MTA3: variants seen among roughly 807,000 people sequenced by gnomAD.
MTA3 encodes the protein metastasis associated 1 family member 3, also known as metastasis-associated protein MTA3.
MTA3 carries 34 observed loss-of-function variants against 83.5 expected under a neutral mutation model. The ratio of observed to expected loss-of-function variants is 0.41; its 90% confidence interval spans 0.31 to 0.54. The LOEUF is 0.54. MTA3 is among the 20% of genes least tolerant of loss of function. MTA3 has a pLI of 0.33. For missense variants in MTA3, 761 were observed against 726.4 expected (o/e 1.05, Z -0.55); for synonymous variants, 303 against 252.7 (o/e 1.20, Z -1.89).
At chr2:42,627,725 A>ATTTTTTTTTT (rs869227831) in intron 4 of MTA3, among the ~76,000 whole-genome samples, 236 of 103,370 alleles carry the variant, frequency 2.3e-3, no homozygotes, top group Non-Finnish European at 2.6e-3. Flanking sequence ...GCCTGGCTAA[A>ATTTTTTTTTT]TTTTTTTTTT....
intron 8 of MTA3, among the ~76,000 whole-genome samples, chr2:42,673,155 G>A (rs545391660): frequency 4.0e-4 from 60 of 149,982 alleles, no homozygotes; most frequent in African/African-American, 1.4e-3. Context: ...CACCAGACCA[G>A]CATATGAAAA....
chr2:42,561,702 G>A (rs1042073977), intron 2 of MTA3, among the ~76,000 whole-genome samples: 1 of 57,070 alleles, frequency 1.8e-5, no homozygotes. Flanking sequence ...TAAACATGTT[G>A]ACTGTTTCAA....
At chr2:42,615,072 A>G (rs1684695172) in intron 4 of MTA3, among the ~76,000 whole-genome samples, 1 of 151,530 alleles carries the variant, frequency 6.6e-6, no homozygotes, top group Non-Finnish European at 1.5e-5. Flanking sequence ...AGGTGGATCA[A>G]CTGAGGTCAG....
rs775428855 is a variant in MTA3, at chr2:42,579,108, C to G, written c.98C>G (p.Thr33Ser). The G allele has an allele frequency of 1.3e-6, 2 of 1,599,946 alleles. No homozygotes were observed. The highest frequency in any genetic ancestry group is 2.2e-5 in the East Asian group (1 of 44,598). ...ACTTTTATTTTTCTTATCTCTTAGA[C>G]TGCAAGTGGCAACGTGGAAGCAAAA... ...LIRRIEELNK[T>S]ASGNVEAKVV... The change falls in exon 3 of 17, where the codon ACT (threonine) becomes AGT (serine). Residue 33 changes from threonine (T) to serine (S), a missense_variant and splice_region_variant. Coordinates refer to ENST00000405094, the MANE Select transcript of MTA3 (RefSeq NM_001330442.2).
intron 8 of MTA3, among the ~76,000 whole-genome samples, chr2:42,673,434 G>C (rs1201754507): frequency 1.3e-5 from 2 of 152,058 alleles, no homozygotes; most frequent in African/African-American, 2.4e-5. Context: ...ATGCACTTTT[G>C]ACTTATGATA....
chr2:42,742,794 T>G (rs1669127506), intron 16 of MTA3, among the ~76,000 whole-genome samples: 1 of 152,234 alleles, frequency 6.6e-6, no homozygotes, highest in Non-Finnish European at 1.5e-5. Context: ...TCCTGAGAAC[T>G]GTACATAAAT....
chr2:42,563,106 C>T (rs1264549959), intron 2 of MTA3, among the ~76,000 whole-genome samples: 1 of 152,154 alleles, frequency 6.6e-6, no homozygotes, highest in Admixed American at 6.6e-5. Context: ...CCCCTTCTCA[C>T]CAACCTCCCA....
chr2:42,742,529 A>T (rs1299985306), intron 16 of MTA3, among the ~76,000 whole-genome samples: 2 of 152,190 alleles, frequency 1.3e-5, no homozygotes, highest in African/African-American at 4.8e-5. Flanking sequence ...TATAGGAACT[A>T]TATTTTTCTG....
At chr2:42,503,870 A>C in intron 2 of MTA3, among the ~76,000 whole-genome samples, 1 of 152,054 alleles carries the variant, frequency 6.6e-6, no homozygotes, top group East Asian at 1.9e-4. Flanking sequence ...AAAGGAAAAC[A>C]AATAAATAAA....
At chr2:42,702,699 T>C (rs2104490258) in intron 11 of MTA3, 1 of 152,330 alleles carries the variant, frequency 6.6e-6, no homozygotes, top group Non-Finnish European at 1.5e-5. Context: ...GTCAGAGACT[T>C]ATTTATTAGG....
intron 2 of MTA3, among the ~76,000 whole-genome samples, chr2:42,502,401 T>C (rs1217165435): frequency 2.0e-5 from 3 of 152,212 alleles, no homozygotes; most frequent in Non-Finnish European, 4.4e-5. Flanking sequence ...TACGGGTTTC[T>C]GAAAAACAAC....
chr2:42,562,301 C>A (rs1369695169), intron 2 of MTA3, among the ~76,000 whole-genome samples: 1 of 152,048 alleles, frequency 6.6e-6, no homozygotes, highest in Non-Finnish European at 1.5e-5. Context: ...TTTTGGGGGG[C>A]CACCATTCAA....
chr2:42,650,449 G>GT (rs930788559), intron 6 of MTA3, among the ~76,000 whole-genome samples: 32 of 151,244 alleles, frequency 2.1e-4, no homozygotes, highest in African/African-American at 5.6e-4. Flanking sequence ...TGTTTTTTTG[G>GT]TTTTTTTTGA....
At chr2:42,524,421 C>T (rs1675573693) in intron 2 of MTA3, among the ~76,000 whole-genome samples, 1 of 151,188 alleles carries the variant, frequency 6.6e-6, no homozygotes, top group Non-Finnish European at 1.5e-5. Flanking sequence ...CTGCCTCAGC[C>T]TCTCGAGTAG....
At chr2:42,561,639 C>G (rs1677680326) in intron 2 of MTA3, among the ~76,000 whole-genome samples, 1 of 151,964 alleles carries the variant, frequency 6.6e-6, no homozygotes, top group South Asian at 2.1e-4. Flanking sequence ...GTCCTTTTCT[C>G]TTAGCACTAA....
rs919837508 is a variant in MTA3, at chr2:42,755,103, G to T, written c.*1704G>T. On this transcript the variant is annotated 3_prime_UTR_variant, in exon 17 of 17. Coordinates refer to ENST00000405094, the MANE Select transcript of MTA3 (RefSeq NM_001330442.2). ...TTCTCCTCAGGGTTCCCACTGAGGG[G>T]TCCCTTCAGCAAAGACCTGGGAGGA... 4 of 985,368 alleles carry T rather than the reference G, an allele frequency of 4.1e-6. No homozygotes were observed. Among genetic ancestry groups the T allele is most frequent in the African/African-American group, 1.7e-5 (1 of 57,192 alleles). 61.0% of individuals were successfully genotyped at this position (985,368 alleles called of 1,614,324 possible). A position where few individuals can be genotyped will look rare whatever the true frequency, so the allele number is the denominator to read the frequency against.
At chr2:42,720,082 A>T (rs1044224605) in intron 15 of MTA3, among the ~76,000 whole-genome samples, 2 of 152,120 alleles carry the variant, frequency 1.3e-5, no homozygotes, top group Non-Finnish European at 2.9e-5. Context: ...TCTAGTCCTT[A>T]CCCAAAAGAA....
rs1464941718 is a variant in MTA3, at chr2:42,755,375, C to G, written c.*1976C>G. 1.3e-5 allele frequency: 13 copies of G among 985,304 alleles called. No homozygotes were observed. The highest frequency in any genetic ancestry group is 3.5e-5 in the African/African-American group (2 of 57,234). The allele number at this position is 985,304 out of a possible 1,614,324, so 61.0% of individuals were successfully genotyped here. ...TGGGAGAGGCCCTCTCACCCAGGCC[C>G]AAGAGATTTGGAGACAGGAGTCAGG... On this transcript the variant is annotated 3_prime_UTR_variant, in exon 17 of 17. Coordinates refer to ENST00000405094, the MANE Select transcript of MTA3 (RefSeq NM_001330442.2).
chr2:42,504,534 C>T (rs976720459), intron 2 of MTA3, among the ~76,000 whole-genome samples: 4 of 152,172 alleles, frequency 2.6e-5, no homozygotes, highest in Non-Finnish European at 4.4e-5. Flanking sequence ...GCCACCACAC[C>T]AAGCCCCATG....
Sources: allele counts gnomAD v4.1 joint callset (sites outside exome capture counted in the v4.1 genomes callset), GRCh38; gene constraint gnomAD v4.1.1; transcripts MANE v1.5; gene names NCBI Gene and HGNC (gene_info 2026-07-23, HGNC 2026-07-21).